The following ARFGEF2 variants were observed in gnomAD, a reference collection of about 807,000 sequenced individuals.
The protein encoded by ARFGEF2 is ARF guanine nucleotide exchange factor 2.
A neutral mutation model predicts 219.9 loss-of-function variants in ARFGEF2; 74 were observed. The observed-to-expected ratio is 0.34, with a 90% CI of 0.28 to 0.41. ARFGEF2 has a LOEUF of 0.41. ARFGEF2 is among the 10% of genes least tolerant of loss of function. ARFGEF2 has a pLI of 1.00. For synonymous variants in ARFGEF2, 733 were observed against 799.2 expected (o/e 0.92, Z 1.40); for missense variants, 1,743 against 2,218.3 (o/e 0.79, Z 4.30).
At position 49,025,180 on chromosome 20, in the gene ARFGEF2, G is replaced by T. The variant is rs367579955; in HGVS notation, c.4756-133G>T. 107 of 903,994 alleles carry T rather than the reference G, an allele frequency of 1.2e-4. No individual in the cohort carries two copies. In the African/African-American group the frequency reaches 1.5e-3, roughly 13 times the overall value. 56.0% of individuals were successfully genotyped at this position (903,994 alleles called of 1,614,324 possible). A position where few individuals can be genotyped will look rare whatever the true frequency, so the allele number is the denominator to read the frequency against. On this transcript the variant is annotated intron_variant, in intron 35 of 38. Transcript: ENST00000371917. The stretch of plus-strand genomic sequence containing the variant: ...AGAGTCTAAATGGAAATGTTTCAGG[G>T]TGTTGGGGAATAAGTGTGTCTTATA...
rs1164015494 is a variant in ARFGEF2, at chr20:49,018,965, A to G, written c.4591A>G (p.Thr1531Ala). The change falls in exon 34 of 39, where the codon ACA becomes GCA. Residue 1531 changes from threonine to alanine, a missense_variant. Thr to Ala is a moderately conservative substitution (Grantham distance 58, BLOSUM62 0). Transcript: ENST00000371917. ...ERGQSQLSNP[T>A]DDSWKGRPYA... ...GGGACAGAGCCAGCTCTCTAACCCAACAGATGACAGCTGGAAGGGTAGACC... is the reference window on the plus strand; with the variant it reads ...GGGACAGAGCCAGCTCTCTAACCCAGCAGATGACAGCTGGAAGGGTAGACC... The G allele has an allele frequency of 1.2e-6, 2 of 1,614,016 alleles. No individual in the cohort carries two copies. Among genetic ancestry groups the G allele is most frequent in the African/African-American group, 1.3e-5 (1 of 75,060 alleles).
chr20:48,995,152 G>C (rs768643048), intron 22 of ARFGEF2, among the ~76,000 whole-genome samples: 37 of 152,200 alleles, frequency 2.4e-4, no homozygotes, highest in Non-Finnish European at 4.3e-4. Flanking sequence ...AATCCAATGA[G>C]AACAGGGACT....
Position 49,010,385 on chromosome 20 carries a change from G to A in ARFGEF2, c.3738G>A (p.Gln1246=), listed in dbSNP as rs2091490700. 1 of 1,613,866 alleles carries A rather than the reference G, an allele frequency of 6.2e-7. No individual in the cohort carries two copies. The highest frequency in any genetic ancestry group is 1.3e-5 in the African/African-American group (1 of 74,910). Residue 1246 remains glutamine, a synonymous_variant, in exon 27 of 39, where the codon CAG becomes CAA. Coordinates refer to ENST00000371917, the MANE Select transcript of ARFGEF2 (RefSeq NM_006420.3). ...GGAACATTGTGGAGCTGGCCTTCCA[G>A]ACCACTTGCCACATTGTCAGTAAGT... ...HDGNIVELAF[Q]TTCHIVTTIF... is the part of the protein sequence containing the mutation.
chr20:48,942,072 C>T, intron 3 of ARFGEF2, 85 bp downstream of exon 3: 1 of 1,559,942 alleles, frequency 6.4e-7, no homozygotes. Context: ...GGGGACCACG[C>T]TGGCACTCAG....
chr20:48,964,501 A>T (rs1173736463), intron 7 of ARFGEF2, among the ~76,000 whole-genome samples: 2 of 152,062 alleles, frequency 1.3e-5, no homozygotes, highest in Non-Finnish European at 2.9e-5. Flanking sequence ...GGGGATGTCC[A>T]GGTTTTTCTA....
At chr20:48,984,383 C>G (rs1288035249) in intron 14 of ARFGEF2, among the ~76,000 whole-genome samples, 36 of 152,230 alleles carry the variant, frequency 2.4e-4, no homozygotes, top group South Asian at 4.1e-4. Context: ...CTGCTCATAT[C>G]TCACTGGCTA....
chr20:49,028,979 T>TAG (rs2091618892), intron 37 of ARFGEF2, among the ~76,000 whole-genome samples: 1 of 152,252 alleles, frequency 6.6e-6, no homozygotes, highest in African/African-American at 2.4e-5. Flanking sequence ...TGACTGTGGC[T>TAG]AGAGCCCTGT....
At chr20:49,003,397 G>A (rs1241108431) in intron 25 of ARFGEF2, among the ~76,000 whole-genome samples, 1 of 151,140 alleles carries the variant, frequency 6.6e-6, no homozygotes, top group African/African-American at 2.4e-5. Context: ...CTGAAGTCAG[G>A]AGTTTGAGAC....
At chr20:49,001,050 A>C (rs903995112) in intron 25 of ARFGEF2, among the ~76,000 whole-genome samples, 2 of 135,782 alleles carry the variant, frequency 1.5e-5, no homozygotes, top group African/African-American at 5.4e-5. Flanking sequence ...AAAACTCAGG[A>C]ACTCTTTTTT....
intron 1 of ARFGEF2, among the ~76,000 whole-genome samples, chr20:48,940,682 C>G (rs891919126): frequency 3.3e-5 from 5 of 152,172 alleles, no homozygotes; most frequent in African/African-American, 9.7e-5. Flanking sequence ...CCTCCTGTGC[C>G]TTGGTTTCCT....
chr20:48,958,645 C>T (rs1037672233), intron 6 of ARFGEF2, among the ~76,000 whole-genome samples: 3 of 151,794 alleles, frequency 2.0e-5, no homozygotes, highest in Non-Finnish European at 4.4e-5. Flanking sequence ...TGTTTCACCG[C>T]GCTAGCCAGG....
At chr20:48,994,307 T>C in intron 21 of ARFGEF2, 144 bp from the exon 22 acceptor site, 1 of 969,372 alleles carries the variant, frequency 1.0e-6, no homozygotes, top group Non-Finnish European at 1.6e-6. Flanking sequence ...TCTCTCTTTA[T>C]TGAGAGCTTA....
chr20:49,017,959 T>G (rs1162168528), intron 33 of ARFGEF2, among the ~76,000 whole-genome samples: 1 of 152,242 alleles, frequency 6.6e-6, no homozygotes, highest in Admixed American at 6.5e-5. Flanking sequence ...AGTTCTAGGC[T>G]TTCAACATTG....
rs555524065 is a variant in ARFGEF2, at chr20:49,001,270, C to T, written c.3432+2765C>T. ...GGCCAGGCTGGTCTGGAACTCCTGA[C>T]CTCGGGTGATCTGCTCGCCTCAGCC... On this transcript the variant is annotated intron_variant, in intron 25 of 38. Transcript: ENST00000371917. 3.4e-4 allele frequency among the ~76,000 whole-genome samples: 52 copies of T among 152,144 alleles called. 1 individual carries two copies. In the South Asian group the frequency reaches 0.01, roughly 30 times the overall value.
chr20:48,948,885 T>C (rs1405668926), intron 3 of ARFGEF2, among the ~76,000 whole-genome samples: 2 of 152,222 alleles, frequency 1.3e-5, no homozygotes, highest in African/African-American at 2.4e-5. Context: ...TAGTGGGAGA[T>C]AGGGGGCAGT....
intron 25 of ARFGEF2, among the ~76,000 whole-genome samples, chr20:49,002,964 CTT>C (rs558842301): frequency 0.31 from 34,454 of 112,034 alleles, 4,871 homozygotes; most frequent in East Asian, 0.47. Flanking sequence ...ATTTTTTTAA[CTT>C]TTTTTTTTTT....
At chr20:48,963,965 T>C (rs2091171934) in intron 7 of ARFGEF2, 67 bp downstream of exon 7, 2 of 1,472,650 alleles carry the variant, frequency 1.4e-6, no homozygotes, top group Middle Eastern at 3.4e-4. Context: ...CAGCAAAATA[T>C]TTTAGTGGTG....
chr20:48,976,935 CATTTTATTTTATTTTATTTTATTTT>C (rs59427522), intron 14 of ARFGEF2, among the ~76,000 whole-genome samples: 6 of 146,396 alleles, frequency 4.1e-5, no homozygotes, highest in Admixed American at 6.8e-5. Context: ...TTTTTTTAGG[CATTTTATTTTATTTTATTTTATTTT>C]ATTTTATTTT....
Position 48,922,217 on chromosome 20 carries a change from C to T in ARFGEF2, c.121+207C>T, listed in dbSNP as rs144094432. Among the ~76,000 whole-genome samples, 969 of 152,350 alleles carry T rather than the reference C, an allele frequency of 6.4e-3. 6 individuals are homozygous for T. Among genetic ancestry groups the T allele is most frequent in the Middle Eastern group, 0.027 (8 of 294 alleles). On this transcript the variant is annotated intron_variant, in intron 1 of 38. Transcript: ENST00000371917. Reference sequence around the variant, plus strand: ...CCAAGGTCACCTAGCAAGTTGGTGACAACCAGAGCTTGTTCCTCAGGGTTC... The same window carrying T: ...CCAAGGTCACCTAGCAAGTTGGTGATAACCAGAGCTTGTTCCTCAGGGTTC...
Sources: allele counts gnomAD v4.1 joint callset (sites outside exome capture counted in the v4.1 genomes callset), GRCh38; gene constraint gnomAD v4.1.1; transcripts MANE v1.5; gene names NCBI Gene and HGNC (gene_info 2026-07-23, HGNC 2026-07-21).